Variants in AKAP8 observed in about 807,000 individuals in gnomAD.
AKAP8 encodes the protein A-kinase anchor protein 8.
A neutral mutation model predicts 67.5 loss-of-function variants in AKAP8; 24 were observed. The ratio of observed to expected loss-of-function variants is 0.36; its 90% CI spans 0.26 to 0.50. AKAP8 has a LOEUF of 0.50. AKAP8 is among the 20% of genes least tolerant of loss of function. The pLI, the probability that AKAP8 is intolerant of heterozygous loss-of-function variation, is 0.97. For synonymous variants in AKAP8, 400 were observed against 371.1 expected (o/e 1.08, Z -0.90); for missense variants, 971 against 955.9 (o/e 1.02, Z -0.21).
chr19:15,359,479 G>A (rs573249164), intron 12 of AKAP8, among the ~76,000 whole-genome samples: 1 of 152,310 alleles, frequency 6.6e-6, no homozygotes, highest in Admixed American at 6.5e-5. Context: ...TAGCACGTTG[G>A]GAGGCTGAGG....
chr19:15,372,792 CAAT>C, intron 5 of AKAP8, 56 bp downstream of exon 5: 3 of 1,467,882 alleles, frequency 2.0e-6, no homozygotes, highest in Non-Finnish European at 2.7e-6. Flanking sequence ...AATTTTACCT[CAAT>C]AAAGCTGCTA....
At chr19:15,379,258 C>T (rs1967322654) in intron 1 of AKAP8, 1 of 161,596 alleles carries the variant, frequency 6.2e-6, no homozygotes, top group Non-Finnish European at 1.3e-5. Context: ...GCGGTCCGCC[C>T]GCGGCCCCAG....
Position 15,372,303 on chromosome 19 carries a change from G to C in AKAP8, c.906C>G (p.Gly302=). 2 of 1,614,128 alleles carry C rather than the reference G, an allele frequency of 1.2e-6. No homozygotes were observed. The highest frequency in any genetic ancestry group is 1.7e-6 in the Non-Finnish European group (2 of 1,180,030). The change falls in exon 6 of 14, where the codon GGC becomes GGG. Residue 302 remains glycine (G), a synonymous_variant. Transcript: ENST00000269701. The part of the protein sequence containing the change: ...GFDRFGPDGT[G]RKRKQFQLYE... ...AAAGTTGGAACTGCTTCCGTTTCCT[G>C]CCCGTGCCATCTGGTCCGAAGCGGT...
chr19:15,364,077 TAAATAAATAAATAAATA>T (rs1387997940), intron 9 of AKAP8, among the ~76,000 whole-genome samples: 1 of 11,070 alleles, frequency 9.0e-5, no homozygotes, highest in East Asian at 2.6e-3. Flanking sequence ...AATAAATAAA[TAAATAAATAAATAAATA>T]AATTGGCAGT....
At chr19:15,370,899 G>A (rs1396710272) in intron 7 of AKAP8, among the ~76,000 whole-genome samples, 1 of 152,022 alleles carries the variant, frequency 6.6e-6, no homozygotes, top group South Asian at 2.1e-4. Flanking sequence ...CAAAGTGCTG[G>A]GATTACAGGT....
intron 12 of AKAP8, among the ~76,000 whole-genome samples, chr19:15,360,341 G>A (rs1966945108): frequency 6.6e-6 from 1 of 152,186 alleles, no homozygotes; most frequent in Non-Finnish European, 1.5e-5. Context: ...CTGCTTTTCT[G>A]CACTGACAGC....
rs182383189 is a variant in AKAP8, at chr19:15,361,951, C to G, written c.1303-129G>C. 1,277 of 1,343,182 alleles carry G rather than the reference C, an allele frequency of 9.5e-4. 14 individuals are homozygous for G. The African/African-American group carries it at 0.016, about 17-fold the overall frequency. The allele number at this position is 1,343,182 out of a possible 1,614,324, so 83.2% of individuals were successfully genotyped here. A position where few individuals can be genotyped will look rare whatever the true frequency, so the allele number is the denominator to read the frequency against. ...GGGCAGCACAGCACGATGGCTGGAG[C>G]TCCCGGTTGTCCCTGTGACTCAGGG... On this transcript the variant is annotated intron_variant, in intron 10 of 13. Transcript: ENST00000269701.
rs925903016 is a variant in AKAP8 at position 15,379,774 on chromosome 19, C to G, written c.-43G>C. 6.2e-7 allele frequency: 1 copy of G among 1,609,254 alleles called. No individual in the cohort carries two copies. The highest frequency in any genetic ancestry group is 8.5e-7 in the Non-Finnish European group (1 of 1,178,360). On this transcript the variant is annotated 5_prime_UTR_variant, in exon 1 of 14. Transcript: ENST00000269701. ...CCAGCAGCCCCGTTTACTAGGCGAC[C>G]ACAGCACGCATGCGTTCAGCGCACC... is the stretch of plus-strand genomic sequence containing the variant.
At chr19:15,374,473 G>A (rs889195694) in intron 3 of AKAP8, 130 bp downstream of exon 3, 14 of 1,135,538 alleles carry the variant, frequency 1.2e-5, no homozygotes, top group South Asian at 7.8e-5. Flanking sequence ...AACAGCAGCC[G>A]TGGCTGACTG....
In AKAP8 at chr19:15,372,950, G is replaced by A. The variant is rs371825455; in HGVS notation, c.762C>T (p.Pro254=). The A allele has an allele frequency of 3.9e-5, 61 of 1,548,046 alleles. No individual in the cohort carries two copies. Among genetic ancestry groups the A allele is most frequent in the South Asian group, 2.2e-4 (18 of 80,776 alleles). ...CCTGCATGCCCATCACGCCGTAGTC[G>A]GGAGCCATGGACTGGGAGAAGAGGG... ...PPSLFSQSMA[P]DYGVMGMQGA... Residue 254 remains proline (P), a synonymous_variant, in exon 5 of 14, where the codon CCC becomes CCT. Coordinates refer to ENST00000269701, the MANE Select transcript of AKAP8 (RefSeq NM_005858.4).
chr19:15,371,550 G>GCAA (rs1472032802), intron 7 of AKAP8, among the ~76,000 whole-genome samples: 1 of 151,232 alleles, frequency 6.6e-6, no homozygotes, highest in Admixed American at 6.6e-5. Flanking sequence ...GTGCAGTGAT[G>GCAA]CAACGTCAGC....
At chr19:15,368,706 G>C in intron 8 of AKAP8, 1 of 985,154 alleles carries the variant, frequency 1.0e-6, no homozygotes. Context: ...GGATGAAGAG[G>C]CGGCAGCTGA....
intron 13 of AKAP8, among the ~76,000 whole-genome samples, chr19:15,355,885 AGCCACCAC>A (rs2048274989): frequency 6.6e-6 from 1 of 151,770 alleles, no homozygotes; most frequent in South Asian, 2.1e-4. Flanking sequence ...TACAGGCAGG[AGCCACCAC>A]GCCCGGCTAA....
chr19:15,377,941 G>A (rs1197659796), intron 1 of AKAP8, among the ~76,000 whole-genome samples: 1 of 152,140 alleles, frequency 6.6e-6, no homozygotes, highest in Non-Finnish European at 1.5e-5. Flanking sequence ...CTTTATTTCT[G>A]TGTCCCTGGG....
chr19:15,379,693 ACCCAGCAG>A lies in AKAP8; in HGVS notation c.19+12_19+19del, dbSNP rs1568257113. ...ACAGAGCCTTCCCTCCCCGCTCCGCACCCAGCAGCCAACACAAACCTCCGTAGCCCTGG... is the reference window on the plus strand; with the variant it reads ...ACAGAGCCTTCCCTCCCCGCTCCGCACCAACACAAACCTCCGTAGCCCTGG... On this transcript the variant is annotated intron_variant, in intron 1 of 13. Transcript: ENST00000269701. 6.2e-7 allele frequency: 1 copy of A among 1,607,374 alleles called. No individual in the cohort carries two copies. Among genetic ancestry groups the A allele is most frequent in the East Asian group, 2.3e-5 (1 of 44,214 alleles).
Position 15,354,811 on chromosome 19 carries a change from C to A in AKAP8, c.*104G>T, listed in dbSNP as rs2048266297. 6 of 1,354,592 alleles carry A rather than the reference C, an allele frequency of 4.4e-6. No individual in the cohort carries two copies. The Admixed American group carries it at 1.2e-4, about 27-fold the overall frequency. 83.9% of individuals were successfully genotyped at this position (1,354,592 alleles called of 1,614,324 possible). On this transcript the variant is annotated 3_prime_UTR_variant, in exon 14 of 14. Coordinates refer to ENST00000269701, the MANE Select transcript of AKAP8 (RefSeq NM_005858.4). Reference sequence around the variant, plus strand: ...GGGTCTCTTCACCAAAATTAGATTACAGCATATTCTGGGAGCACACGCCCT... The same window carrying A: ...GGGTCTCTTCACCAAAATTAGATTAAAGCATATTCTGGGAGCACACGCCCT...
chr19:15,356,617 C>T (rs116551186), intron 13 of AKAP8, among the ~76,000 whole-genome samples: 1 of 152,092 alleles, frequency 6.6e-6, no homozygotes, highest in African/African-American at 2.4e-5. Context: ...CTGACTCCCT[C>T]AGAAGTCAAA....
At chr19:15,366,434 A>G (rs1414535793) in intron 9 of AKAP8, among the ~76,000 whole-genome samples, 1 of 151,968 alleles carries the variant, frequency 6.6e-6, no homozygotes. Flanking sequence ...TTAAGAAGAA[A>G]CAGTTCTGCG....
intron 10 of AKAP8, 98 bp from the exon 11 acceptor site, chr19:15,361,920 T>A (rs996310783): frequency 5.1e-6 from 7 of 1,384,886 alleles, no homozygotes; most frequent in South Asian, 5.0e-5. Context: ...TCAGAGCAGC[T>A]GCGTGGGGCA....
Sources: allele counts gnomAD v4.1 joint callset (sites outside exome capture counted in the v4.1 genomes callset), GRCh38; gene constraint gnomAD v4.1.1; transcripts MANE v1.5; gene names NCBI Gene and HGNC (gene_info 2026-07-23, HGNC 2026-07-21).